Variants in SBNO2 observed in about 807,000 individuals in gnomAD.
SBNO2 encodes strawberry notch homolog 2, also known as protein strawberry notch homolog 2.
A neutral mutation model predicts 146.3 loss-of-function variants in SBNO2; 89 were observed. That is an observed-to-expected ratio of 0.61 (90% CI 0.51 to 0.73). The LOEUF (loss-of-function observed/expected upper bound fraction) is 0.73. SBNO2 is among the 30% of genes least tolerant of loss of function. The pLI, the probability that SBNO2 is intolerant of heterozygous loss-of-function variation, is 0.00. For synonymous variants in SBNO2, 1,147 were observed against 892.6 expected (o/e 1.29, Z -5.08); for missense variants, 2,092 against 2,003.7 (o/e 1.04, Z -0.84).
At position 1,112,419 on chromosome 19, in the gene SBNO2, C is replaced by A; in HGVS notation, c.2498G>T (p.Arg833Leu). Residue 833 changes from arginine (R) to leucine (L), a missense_variant, in exon 21 of 32, where the codon CGC (arginine) becomes CTC (leucine). Arg to Leu is a moderately radical substitution (Grantham distance 102). Coordinates refer to ENST00000361757, the MANE Select transcript of SBNO2 (RefSeq NM_014963.3). The surrounding 1 kb of genome is among the most constrained non-coding windows in gnomAD (Gnocchi z 5.9). ...MTLELPWSADRAIQQFGRTHR... is the reference protein window; with the variant it reads ...MTLELPWSADLAIQQFGRTHR... ...GGACTCACCGAACTGCTGGATGGCG[C>A]GGTCGGCGCTCCACGGCAGCTCCAA... The A allele has an allele frequency of 6.2e-7, 1 of 1,604,506 alleles. No homozygotes were observed. The highest frequency in any genetic ancestry group is 8.5e-7 in the Non-Finnish European group (1 of 1,177,916).
At chr19:1,130,867 C>T (rs7251271) in intron 4 of SBNO2, among the ~76,000 whole-genome samples, 11 of 152,298 alleles carry the variant, frequency 7.2e-5, no homozygotes, top group Admixed American at 2.6e-4. Flanking sequence ...AACGCAGCCT[C>T]GAGGCCCCGC....
At chr19:1,149,268 A>C in intron 3 of SBNO2, 101 bp downstream of exon 3, 1 of 1,111,828 alleles carries the variant, frequency 9.0e-7, no homozygotes, top group Middle Eastern at 2.0e-4. Flanking sequence ...CCCCTCAACA[A>C]GACTTTGGGC....
At chr19:1,166,422 C>T (rs1271147167) in intron 1 of SBNO2, among the ~76,000 whole-genome samples, 3 of 152,174 alleles carry the variant, frequency 2.0e-5, no homozygotes, top group Admixed American at 6.5e-5. Flanking sequence ...CAGGGTGGTG[C>T]GGCTTTCTGT....
intron 5 of SBNO2, 188 bp from the exon 6 acceptor site, chr19:1,124,210 C>T: frequency 3.2e-6 from 2 of 626,854 alleles, no homozygotes; most frequent in South Asian, 3.5e-5. Context: ...CCAAGCCTCC[C>T]CAGTGGGCAC....
In SBNO2 at chr19:1,115,902, A is replaced by G. The variant is rs773074346; in HGVS notation, c.1885+119T>C. 1.8e-5 allele frequency: 15 copies of G among 811,914 alleles called. No individual in the cohort carries two copies. The African/African-American group carries it at 2.4e-4, about 13-fold the overall frequency. The allele number at this position is 811,914 out of a possible 1,614,324, so 50.3% of individuals were successfully genotyped here. ...AGCCTTGAGCCTGCCTGGCACGGAC[A>G]GGACCTGCATTTGGCTGAGTGGACG... is the stretch of plus-strand genomic sequence containing the variant. On this transcript the variant is annotated intron_variant, in intron 17 of 31. Coordinates refer to ENST00000361757, the MANE Select transcript of SBNO2 (RefSeq NM_014963.3).
rs1417371330 is a variant in SBNO2 at position 1,147,438 on chromosome 19, G to GC, written c.168-19_168-18insG. Reference sequence around the variant, plus strand: ...TGAACGGGCTGGAGGGAGATGGGGGGGGGGGAGGTGAGATGGGGTGCTCAA... The same window carrying GC: ...TGAACGGGCTGGAGGGAGATGGGGGGCGGGGGAGGTGAGATGGGGTGCTCAA... On this transcript the variant is annotated intron_variant, in intron 3 of 31. Transcript: ENST00000361757. The GC allele has an allele frequency of 7.8e-7, 1 of 1,286,852 alleles. No individual in the cohort carries two copies. Among genetic ancestry groups the GC allele is most frequent in the Non-Finnish European group, 1.1e-6 (1 of 941,594 alleles). 79.7% of individuals were successfully genotyped at this position (1,286,852 alleles called of 1,614,324 possible).
chr19:1,127,051 A>G (rs1483915064), intron 5 of SBNO2, among the ~76,000 whole-genome samples: 7 of 152,094 alleles, frequency 4.6e-5, no homozygotes, highest in African/African-American at 1.7e-4. Context: ...CTGGGACAGG[A>G]TCCACCAACC....
At chr19:1,163,806 G>A (rs543852973) in intron 1 of SBNO2, among the ~76,000 whole-genome samples, 24 of 152,300 alleles carry the variant, frequency 1.6e-4, no homozygotes, top group African/African-American at 5.3e-4. Flanking sequence ...AGGTGGGCCC[G>A]GCAGGAGGGC....
At chr19:1,160,627 TC>T (rs2080334801) in intron 1 of SBNO2, among the ~76,000 whole-genome samples, 1 of 152,132 alleles carries the variant, frequency 6.6e-6, no homozygotes, top group South Asian at 2.1e-4. Context: ...CCTCCTGGGT[TC>T]CAGTGATTTT....
rs958866101 is a variant in SBNO2, at chr19:1,173,475, G to C, written c.-127+697C>G. 2.0e-5 allele frequency among the ~76,000 whole-genome samples: 3 copies of C among 152,332 alleles called. No individual in the cohort carries two copies. The highest frequency in any genetic ancestry group is 2.0e-4 in the Admixed American group (3 of 15,302). ...AACCGAAAAACCATCTGCCCCAGAA[G>C]AGAAGTCGGAGGCCCCAGGAGCGGG... On this transcript the variant is annotated intron_variant, in intron 1 of 31. Coordinates refer to ENST00000361757, the MANE Select transcript of SBNO2 (RefSeq NM_014963.3). The surrounding 1 kb of genome is among the most constrained non-coding windows in gnomAD (Gnocchi z 4.7).
chr19:1,110,729 C>T lies in SBNO2; in HGVS notation c.3028+16G>A, dbSNP rs200290234. On this transcript the variant is annotated intron_variant, in intron 26 of 31. Transcript: ENST00000361757. This position sits in a 1 kb window ranked among gnomAD's most constrained non-coding sequence, Gnocchi z 4.9. ...ACCCACACCCACCCACACCACACCC[C>T]GGCACCTGTGCTCACCCAGGATGCC... 197 of 1,613,354 alleles carry T rather than the reference C, an allele frequency of 1.2e-4. No homozygotes were observed. In the Middle Eastern group the frequency reaches 1.8e-3, roughly 15 times the overall value.
intron 15 of SBNO2, 75 bp from the exon 16 acceptor site, chr19:1,117,001 G>C: frequency 2.9e-6 from 4 of 1,374,280 alleles, no homozygotes; most frequent in Non-Finnish European, 3.0e-6. Context: ...TGCCAGGCCT[G>C]GGGTGATGGC....
chr19:1,115,299 G>A (rs147125514), intron 17 of SBNO2: 7,418 of 151,698 alleles, frequency 0.049, 262 homozygotes, highest in Admixed American at 0.11. Flanking sequence ...GGAGTGCAGT[G>A]GCATGATCTC....
At chr19:1,161,405 C>CGG (rs2080343577) in intron 1 of SBNO2, among the ~76,000 whole-genome samples, 1 of 50,494 alleles carries the variant, frequency 2.0e-5, no homozygotes, top group African/African-American at 8.8e-5. Context: ...GTACTGGGTA[C>CGG]TGGGGGTGCC....
At position 1,116,915 on chromosome 19, in the gene SBNO2, G is replaced by T. The variant is rs1214240374; in HGVS notation, c.1716C>A (p.Ile572=). The change falls in exon 16 of 32, where the codon ATC becomes ATA. Residue 572 remains isoleucine (I), a synonymous_variant. Transcript: ENST00000361757. ...GCGCCTCGCCCGTGGACTGCAGCCC[G>T]ATGACCACGCACTGTGGGACGGCAG... The part of the protein sequence containing the change: ...EELARDKCVV[I]GLQSTGEART... The T allele has an allele frequency of 6.4e-7, 1 of 1,559,804 alleles. No homozygotes were observed. Among genetic ancestry groups the T allele is most frequent in the Non-Finnish European group, 8.6e-7 (1 of 1,158,204 alleles).
chr19:1,153,518 C>T (rs1338390311), intron 2 of SBNO2, among the ~76,000 whole-genome samples: 2 of 151,838 alleles, frequency 1.3e-5, no homozygotes, highest in South Asian at 2.1e-4. Flanking sequence ...GGATTACAGG[C>T]GTGAGCCACC....
intron 4 of SBNO2, among the ~76,000 whole-genome samples, chr19:1,143,486 A>T (rs182831037): frequency 6.0e-4 from 91 of 152,278 alleles, no homozygotes; most frequent in Non-Finnish European, 9.0e-4. Flanking sequence ...AATAAAAATT[A>T]AAAAAATATA....
chr19:1,169,970 T>A (rs1466776597), intron 1 of SBNO2, among the ~76,000 whole-genome samples: 1 of 152,110 alleles, frequency 6.6e-6, no homozygotes, highest in Non-Finnish European at 1.5e-5. Flanking sequence ...CCACTTCTCT[T>A]CTGTGGACTG....
chr19:1,112,106 G>T lies in SBNO2; in HGVS notation c.2629-39C>A. 6.2e-7 allele frequency: 1 copy of T among 1,610,368 alleles called. No individual in the cohort carries two copies. ...GGAGGCCATCAGTTGGTCACCTGGG[G>T]TCTGGCCTCTAGCACCCCACAAAGC... On this transcript the variant is annotated intron_variant, in intron 22 of 31. Transcript: ENST00000361757. The surrounding 1 kb of genome is among the most constrained non-coding windows in gnomAD (Gnocchi z 5.9).
Sources: gnomAD v4.1 joint callset for allele counts (sites outside exome capture counted in the v4.1 genomes callset) on GRCh38, gnomAD v4.1.1 for gene constraint, Gnocchi (gnomAD v3.1) non-coding constraint, MANE v1.5 for transcripts, NCBI Gene and HGNC (gene_info 2026-07-23, HGNC 2026-07-21) for gene names.